Variants in TEX35 observed in about 807,000 individuals in gnomAD.
The protein encoded by TEX35 is testis expressed 35.
A neutral mutation model predicts 31.9 loss-of-function variants in TEX35; 26 were observed. The observed-to-expected ratio is 0.81, with a 90% CI of 0.60 to 1.13. TEX35 has a LOEUF of 1.13. Ranked by LOEUF, TEX35 falls within the 50% of genes most tolerant of loss-of-function variation. The pLI, the probability that TEX35 is intolerant of heterozygous loss-of-function variation, is 0.00. For synonymous variants in TEX35, 87 were observed against 90.7 expected, an observed-to-expected ratio of 0.96 and a Z score of 0.23; for missense variants, 278 against 273.5, an observed-to-expected ratio of 1.02 and a Z score of -0.12.
In TEX35 at chr1:178,521,256, A is replaced by T. The variant is rs1213216097; in HGVS notation, c.578A>T (p.Tyr193Phe). 2.5e-6 allele frequency: 4 copies of T among 1,614,112 alleles called. No individual in the cohort carries two copies. In the South Asian group the frequency reaches 4.4e-5, roughly 18 times the overall value. ...KCLLCALKNN[Y>F]NRGNIPSEAS... ...TTGTTGTGTGCTCTAAAGAACAACTACAATCGGGGTAGGTAGATTCATACA... is the reference window on the plus strand; with the variant it reads ...TTGTTGTGTGCTCTAAAGAACAACTTCAATCGGGGTAGGTAGATTCATACA... The change falls in exon 8 of 9, where the codon TAC becomes TTC. Residue 193 changes from tyrosine to phenylalanine, a missense_variant. Transcript: ENST00000319416.
chr1:178,514,849 C>T (rs1351267425), intron 3 of TEX35, 81 bp downstream of exon 3: 5 of 1,203,948 alleles, frequency 4.2e-6, no homozygotes, highest in Non-Finnish European at 4.8e-6. Flanking sequence ...GTGCCTGTTT[C>T]CTAAATACAA....
chr1:178,518,053 C>T (rs1650143412), intron 5 of TEX35, among the ~76,000 whole-genome samples: 1 of 151,932 alleles, frequency 6.6e-6, no homozygotes, highest in African/African-American at 2.4e-5. Context: ...ATATAAAGTT[C>T]ACATAAATCA....
At position 178,521,985 on chromosome 1, in the gene TEX35, A is replaced by T. The variant is rs370406664; in HGVS notation, c.587-340A>T. The T allele has an allele frequency of 3.0e-5, 25 of 826,608 alleles. No homozygotes were observed. The East Asian group carries it at 6.7e-4, about 22-fold the overall frequency. The allele number at this position is 826,608 out of a possible 1,614,324, so 51.2% of individuals were successfully genotyped here. A position where few individuals can be genotyped will look rare whatever the true frequency, so the allele number is the denominator to read the frequency against. Reference sequence around the variant, plus strand: ...GTCCTCCCAACCACCACCTCCCTCCATTCCACCTGGGTCTGCAAACGTCCC... The same window carrying T: ...GTCCTCCCAACCACCACCTCCCTCCTTTCCACCTGGGTCTGCAAACGTCCC... On this transcript the variant is annotated intron_variant, in intron 8 of 8. Coordinates refer to ENST00000319416, the MANE Select transcript of TEX35 (RefSeq NM_032126.5).
chr1:178,514,111 A>G (rs1159721300), intron 2 of TEX35, 34 bp downstream of exon 2: 1 of 1,614,048 alleles, frequency 6.2e-7, no homozygotes. Flanking sequence ...GCAGGCAGCC[A>G]GGCCTGAGAT....
At chr1:178,518,317 A>T (rs184134130) in intron 5 of TEX35, among the ~76,000 whole-genome samples, 79 of 152,200 alleles carry the variant, frequency 5.2e-4, no homozygotes, top group Non-Finnish European at 9.9e-4. Flanking sequence ...CAATAGATAT[A>T]AAAAAATCAA....
intron 5 of TEX35, among the ~76,000 whole-genome samples, chr1:178,518,323 AT>A (rs1402060923): frequency 2.0e-5 from 3 of 152,174 alleles, no homozygotes; most frequent in South Asian, 2.1e-4. Context: ...ATATAAAAAA[AT>A]CAACCTCTTG....
chr1:178,522,033 C>G (rs571648147), intron 8 of TEX35: 2 of 671,738 alleles, frequency 3.0e-6, no homozygotes, highest in South Asian at 2.0e-5. Context: ...GGGGAGGGCC[C>G]CTGATGATAG....
chr1:178,519,481 G>C (rs139552618), intron 5 of TEX35, among the ~76,000 whole-genome samples: 247 of 152,012 alleles, frequency 1.6e-3, no homozygotes, highest in African/African-American at 5.6e-3. Context: ...TGGACCTAGG[G>C]GACATTGACT....
At chr1:178,521,646 ACATCGAATATGTGT>A (rs1650283384) in intron 8 of TEX35, 1 of 1,552,152 alleles carries the variant, frequency 6.4e-7, no homozygotes, top group Non-Finnish European at 8.7e-7. Context: ...AACCCCGGTG[ACATCGAATATGTGT>A]TTCCAACCTA....
At chr1:178,516,747 T>G in intron 5 of TEX35, 73 bp downstream of exon 5, 3 of 1,057,206 alleles carry the variant, frequency 2.8e-6, no homozygotes, top group Non-Finnish European at 2.8e-6. Context: ...CAGCAGACCC[T>G]GCCCTCCAGG....
chr1:178,514,093 G>A lies in TEX35; in HGVS notation c.90+16G>A. ...GCCGACCAAAGTAAGAAGCCCTTTT[G>A]AGGCCATGCAGGCAGCCAGGCCTGA... On this transcript the variant is annotated intron_variant, in intron 2 of 8. Coordinates refer to ENST00000319416, the MANE Select transcript of TEX35 (RefSeq NM_032126.5). 1 of 1,614,228 alleles carries A rather than the reference G, an allele frequency of 6.2e-7. No individual in the cohort carries two copies. The highest frequency in any genetic ancestry group is 1.3e-5 in the African/African-American group (1 of 75,054).
intron 8 of TEX35, chr1:178,521,536 C>T: frequency 7.5e-7 from 1 of 1,335,132 alleles, no homozygotes; most frequent in Non-Finnish European, 1.1e-6. Flanking sequence ...TGCCTCAGGT[C>T]CTGCCCTTTC....
intron 5 of TEX35, among the ~76,000 whole-genome samples, chr1:178,520,093 A>C (rs1027627998): frequency 3.9e-5 from 6 of 152,220 alleles, no homozygotes; most frequent in Admixed American, 3.3e-4. Flanking sequence ...GGTTTTATCC[A>C]AAGTGTGAGA....
At position 178,520,502 on chromosome 1, in the gene TEX35, C is replaced by A. The variant is rs376666368; in HGVS notation, c.341+66C>A. ...GTCTCCTCCCTTCCCTTTGTTGGAT[C>A]CCTTTGGGGTTCAGAGGACACCCAG... is the stretch of plus-strand genomic sequence containing the variant. On this transcript the variant is annotated intron_variant, in intron 6 of 8. Coordinates refer to ENST00000319416, the MANE Select transcript of TEX35 (RefSeq NM_032126.5). 3.1e-5 allele frequency: 50 copies of A among 1,613,428 alleles called. No individual in the cohort carries two copies. In the African/African-American group the frequency reaches 6.7e-4, roughly 22 times the overall value.
intron 5 of TEX35, among the ~76,000 whole-genome samples, chr1:178,520,153 G>A (rs1650210558): frequency 1.3e-5 from 2 of 152,140 alleles, no homozygotes; most frequent in Non-Finnish European, 1.5e-5. Context: ...CTTCAGAAAA[G>A]TCCCCTAATG....
rs1456405171 is a variant in TEX35, at chr1:178,514,030, A to G, written c.43A>G (p.Lys15Glu). The change falls in exon 2 of 9, where the codon AAG becomes GAG. Residue 15 changes from lysine (K) to glutamate (E), a missense_variant. Lys to Glu is a moderately conservative substitution (Grantham distance 56). Transcript: ENST00000319416. ...TCTCAGTCTCCTCTTTTTGCAGAGC[A>G]AGAACTACAAGGCAGTTTGCCTGGA... is the stretch of plus-strand genomic sequence containing the variant. ...RAELKKTHLS[K>E]NYKAVCLELK... 5.6e-6 allele frequency: 9 copies of G among 1,613,362 alleles called. No individual in the cohort carries two copies. In the Admixed American group the frequency reaches 8.4e-5, roughly 15 times the overall value.
rs954960833 is a variant in TEX35, at chr1:178,521,003, C to G, written c.543+129C>G. ...CCGCCCGCTGCTGACTTCTGGGTGC[C>G]GCCCGAGCCTGCGCCCTCCCTGACC... On this transcript the variant is annotated intron_variant, in intron 7 of 8. Coordinates refer to ENST00000319416, the MANE Select transcript of TEX35 (RefSeq NM_032126.5). The G allele has an allele frequency of 2.5e-5, 38 of 1,540,900 alleles. No homozygotes were observed. The Admixed American group carries it at 7.0e-4, about 28-fold the overall frequency.
rs749610723 is a variant in TEX35, at chr1:178,514,797, A to C, written c.159+29A>C. The C allele has an allele frequency of 1.2e-5, 19 of 1,602,166 alleles. No individual in the cohort carries two copies. In the African/African-American group the frequency reaches 2.4e-4, roughly 20 times the overall value. ...AGTGCGTGAACTTGGAGGCATGTCTATATTCCAAACCACGTGAGTGTAAGT... is the reference window on the plus strand; with the variant it reads ...AGTGCGTGAACTTGGAGGCATGTCTCTATTCCAAACCACGTGAGTGTAAGT... On this transcript the variant is annotated intron_variant, in intron 3 of 8. Coordinates refer to ENST00000319416, the MANE Select transcript of TEX35 (RefSeq NM_032126.5).
chr1:178,521,425 G>A lies in TEX35; in HGVS notation c.586+161G>A. 9 of 1,042,812 alleles carry A rather than the reference G, an allele frequency of 8.6e-6. No homozygotes were observed. In the South Asian group the frequency reaches 1.0e-4, roughly 12 times the overall value. 64.6% of individuals were successfully genotyped at this position (1,042,812 alleles called of 1,614,324 possible). A position where few individuals can be genotyped will look rare whatever the true frequency, so the allele number is the denominator to read the frequency against. On this transcript the variant is annotated intron_variant, in intron 8 of 8. Coordinates refer to ENST00000319416, the MANE Select transcript of TEX35 (RefSeq NM_032126.5). ...CCACCCAGCATGCTCAGTCATACAG[G>A]ATGTGGCACCAGGAAGGAGGACTTG... is the stretch of plus-strand genomic sequence containing the variant.
Sources: gnomAD v4.1 joint callset for allele counts (sites outside exome capture counted in the v4.1 genomes callset) on GRCh38, gnomAD v4.1.1 for gene constraint, MANE v1.5 for transcripts, NCBI Gene and HGNC (gene_info 2026-07-23, HGNC 2026-07-21) for gene names.